The following CDH12 variants were observed in gnomAD, a reference collection of about 807,000 sequenced individuals.
The protein encoded by CDH12 is cadherin-12.
Under a neutral mutation model 74.1 loss-of-function variants are expected in CDH12, and 41 were observed. The observed-to-expected ratio is 0.55, with a 90% confidence interval of 0.43 to 0.72. The LOEUF (loss-of-function observed/expected upper bound fraction) is 0.72, where lower values mean the gene tolerates loss of function less well. Among genes scored for constraint, CDH12 ranks in the 30% least tolerant of loss-of-function variants. The pLI, the probability that CDH12 is intolerant of heterozygous loss-of-function variation, is 0.00. For missense variants in CDH12, 945 were observed against 977.2 expected, an observed-to-expected ratio of 0.97 and a Z score of 0.44; for synonymous variants, 399 against 355.0, an observed-to-expected ratio of 1.12 and a Z score of -1.39.
intron 3 of CDH12, among the ~76,000 whole-genome samples, chr5:22,328,487 A>T (rs1739216376): frequency 6.6e-6 from 1 of 152,182 alleles, no homozygotes; most frequent in Non-Finnish European, 1.5e-5. Flanking sequence ...TTAGTCTGTG[A>T]TCCTCTGCTA....
intron 1 of CDH12, among the ~76,000 whole-genome samples, chr5:22,844,348 A>T (rs534709333): frequency 6.6e-6 from 1 of 152,004 alleles, no homozygotes; most frequent in Non-Finnish European, 1.5e-5. Flanking sequence ...AACTTAGCAC[A>T]CTCCAAATCA....
chr5:22,421,429 C>A (rs887178059), intron 2 of CDH12, among the ~76,000 whole-genome samples: 1 of 152,068 alleles, frequency 6.6e-6, no homozygotes, highest in Non-Finnish European at 1.5e-5. Flanking sequence ...TGAATGAGAA[C>A]ATGCGGTGTT....
At chr5:22,826,804 G>A (rs1032267618) in intron 1 of CDH12, among the ~76,000 whole-genome samples, 1 of 152,150 alleles carries the variant, frequency 6.6e-6, no homozygotes, top group Non-Finnish European at 1.5e-5. Context: ...AAGCAGCAAA[G>A]CATTCAAGAG....
At chr5:22,649,585 C>A (rs910633512) in intron 1 of CDH12, among the ~76,000 whole-genome samples, 9 of 151,996 alleles carry the variant, frequency 5.9e-5, no homozygotes, top group Non-Finnish European at 1.2e-4. Flanking sequence ...AAATGCTATA[C>A]CGCATTAGGT....
rs188000954 is a variant in CDH12, at chr5:21,860,240, C to T, written c.527-5450G>A. On this transcript the variant is annotated intron_variant, in intron 6 of 14. Transcript: ENST00000382254. ...TCTTCATTTTCTTTATCATGTGACA[C>T]AAGATTTATTGATTTCATATCAGCA... Among the ~76,000 whole-genome samples, 108 of 152,050 alleles carry T rather than the reference C, an allele frequency of 7.1e-4. 1 individual carries two copies. Among genetic ancestry groups the T allele is most frequent in the Admixed American group, 1.6e-3 (25 of 15,240 alleles).
chr5:22,734,106 C>A (rs2127007596), intron 1 of CDH12, among the ~76,000 whole-genome samples: 1 of 152,090 alleles, frequency 6.6e-6, no homozygotes, highest in South Asian at 2.1e-4. Flanking sequence ...GTCTTAGTTT[C>A]TTCAAATGTA....
At chr5:22,076,648 T>C (rs550606971) in intron 5 of CDH12, among the ~76,000 whole-genome samples, 1 of 152,300 alleles carries the variant, frequency 6.6e-6, no homozygotes, top group East Asian at 1.9e-4. Flanking sequence ...GAGAACCACA[T>C]GAAATTATCT....
At chr5:22,275,676 G>T (rs1736601165) in intron 3 of CDH12, among the ~76,000 whole-genome samples, 1 of 152,086 alleles carries the variant, frequency 6.6e-6, no homozygotes, top group African/African-American at 2.4e-5. Flanking sequence ...TAAGAAGTTT[G>T]CCCAAACTCA....
At chr5:22,480,491 G>A (rs182833231) in intron 2 of CDH12, among the ~76,000 whole-genome samples, 39 of 151,718 alleles carry the variant, frequency 2.6e-4, no homozygotes, top group Middle Eastern at 3.4e-3. Flanking sequence ...GACAAAAGAC[G>A]GGAGAATCAC....
At chr5:22,810,208 G>A (rs71611209) in intron 1 of CDH12, among the ~76,000 whole-genome samples, 3,126 of 152,220 alleles carry the variant, frequency 0.021, 60 homozygotes, top group Non-Finnish European at 0.026. Flanking sequence ...AGATTTTAGT[G>A]ATGAGAAGTT....
intron 2 of CDH12, among the ~76,000 whole-genome samples, chr5:22,490,491 GAA>G (rs1312884298): frequency 2.0e-5 from 3 of 150,458 alleles, no homozygotes; most frequent in African/African-American, 7.3e-5. Flanking sequence ...GGAGAATTGA[GAA>G]AGAGAAAGTG....
intron 3 of CDH12, among the ~76,000 whole-genome samples, chr5:22,344,286 T>C (rs570962853): frequency 6.6e-6 from 1 of 152,322 alleles, no homozygotes; most frequent in Admixed American, 6.5e-5. Flanking sequence ...TTGCATTATG[T>C]CACGACCATA....
chr5:21,805,961 G>C (rs1187923654), intron 9 of CDH12, among the ~76,000 whole-genome samples: 1 of 152,122 alleles, frequency 6.6e-6, no homozygotes, highest in African/African-American at 2.4e-5. Context: ...ATTTAGTTGA[G>C]CAGCTTCTTT....
At chr5:22,631,341 C>A (rs1008123919) in intron 1 of CDH12, among the ~76,000 whole-genome samples, 1 of 152,066 alleles carries the variant, frequency 6.6e-6, no homozygotes. Context: ...CATGTATATG[C>A]GTACTGCAGC....
intron 1 of CDH12, among the ~76,000 whole-genome samples, chr5:22,852,284 G>A (rs1036308046): frequency 6.6e-6 from 1 of 151,998 alleles, no homozygotes; most frequent in African/African-American, 2.4e-5. Flanking sequence ...TGGTCCCGAT[G>A]TAGCAAAAAA....
rs80339297 is a variant in CDH12 at position 22,039,112 on chromosome 5, C to T, written c.231+39334G>A. The stretch of plus-strand genomic sequence containing the variant: ...GGACTTACAGAGTCTGGGATACTGC[C>T]GAGTCCCACTATCGCAGGATCCAGG... On this transcript the variant is annotated intron_variant, in intron 5 of 14. Coordinates refer to ENST00000382254, the MANE Select transcript of CDH12 (RefSeq NM_004061.5). 3.8e-3 allele frequency among the ~76,000 whole-genome samples: 579 copies of T among 152,168 alleles called. 7 individuals are homozygous for T. The highest frequency in any genetic ancestry group is 0.014 in the Middle Eastern group (4 of 294).
rs73745214 is a variant in CDH12 at position 22,804,328 on chromosome 5, T to A, written c.-523+48730A>T. On this transcript the variant is annotated intron_variant, in intron 1 of 14. Coordinates refer to ENST00000382254, the MANE Select transcript of CDH12 (RefSeq NM_004061.5). ...AATGTTCCAAAGTTTTTATCTTCCC[T>A]CAAACCTATTTCTCTTTTGTTGAGG... Among the ~76,000 whole-genome samples, 874 of 152,292 alleles carry A rather than the reference T, an allele frequency of 5.7e-3. 6 individuals carry two copies. Among genetic ancestry groups the A allele is most frequent in the African/African-American group, 0.02 (841 of 41,538 alleles).
At chr5:22,276,174 G>C (rs1158352484) in intron 3 of CDH12, among the ~76,000 whole-genome samples, 1 of 152,092 alleles carries the variant, frequency 6.6e-6, no homozygotes, top group Non-Finnish European at 1.5e-5. Context: ...ATTTCAAAAA[G>C]TATTCATTGT....
chr5:22,146,353 T>A (rs141319860), intron 4 of CDH12, among the ~76,000 whole-genome samples: 1 of 152,130 alleles, frequency 6.6e-6, no homozygotes, highest in African/African-American at 2.4e-5. Flanking sequence ...ATTTTTGTTA[T>A]AGATATTTTT....
Sources: gnomAD v4.1 joint callset for allele counts (sites outside exome capture counted in the v4.1 genomes callset) on GRCh38, gnomAD v4.1.1 for gene constraint, MANE v1.5 for transcripts, NCBI Gene and HGNC (gene_info 2026-07-23, HGNC 2026-07-21) for gene names.